Variants in WSCD2 observed in about 807,000 individuals in gnomAD.
The protein encoded by WSCD2 is WSC domain sialate O sulfotransferase 2.
WSCD2 carries 28 observed loss-of-function variants against 55.7 expected under a neutral mutation model. The observed-to-expected ratio is 0.50, with a 90% CI of 0.37 to 0.69. WSCD2 has a LOEUF of 0.69. Ranked by LOEUF, WSCD2 falls within the 30% of genes least tolerant of loss-of-function variation. The pLI is 0.00. For missense variants in WSCD2, 616 were observed against 762.1 expected, an observed-to-expected ratio of 0.81 and a Z score of 2.26; for synonymous variants, 301 against 301.9, an observed-to-expected ratio of 1.00 and a Z score of 0.03.
intron 2 of WSCD2, among the ~76,000 whole-genome samples, chr12:108,198,411 T>A (rs1355218566): frequency 6.6e-6 from 1 of 152,198 alleles, no homozygotes; most frequent in East Asian, 1.9e-4. Flanking sequence ...CTGATCCCCT[T>A]ACAGGTTTGA....
intron 4 of WSCD2, among the ~76,000 whole-genome samples, chr12:108,215,254 AATGCAGGT>A (rs1252111271): frequency 2.0e-5 from 3 of 152,194 alleles, no homozygotes; most frequent in African/African-American, 7.2e-5. Context: ...TATTGGGAGC[AATGCAGGT>A]TTTGGAATCA....
chr12:108,205,905 T>C (rs1249459405), intron 2 of WSCD2, among the ~76,000 whole-genome samples: 1 of 152,244 alleles, frequency 6.6e-6, no homozygotes, highest in Admixed American at 6.5e-5. Context: ...ATATATGTTT[T>C]AAGGCAGCTT....
At chr12:108,188,408 A>G (rs1882775447) in intron 1 of WSCD2, among the ~76,000 whole-genome samples, 2 of 152,280 alleles carry the variant, frequency 1.3e-5, no homozygotes, top group South Asian at 4.2e-4. Context: ...GCAGAACCAC[A>G]ATATATCCAT....
chr12:108,150,238 T>A (rs1368236187), intron 1 of WSCD2, among the ~76,000 whole-genome samples: 1 of 152,178 alleles, frequency 6.6e-6, no homozygotes, highest in Non-Finnish European at 1.5e-5. Flanking sequence ...TGCCTTTGAC[T>A]GATGCCAAAG....
intron 1 of WSCD2, among the ~76,000 whole-genome samples, chr12:108,194,314 C>G (rs1404873342): frequency 6.6e-6 from 1 of 152,188 alleles, no homozygotes; most frequent in African/African-American, 2.4e-5. Context: ...GAGACCCTGA[C>G]AAAGGGTGAG....
At chr12:108,175,357 T>C (rs1023400040) in intron 1 of WSCD2, among the ~76,000 whole-genome samples, 1 of 152,136 alleles carries the variant, frequency 6.6e-6, no homozygotes, top group African/African-American at 2.4e-5. Context: ...ACCCCAGGGT[T>C]CCACAGACTA....
intron 1 of WSCD2, among the ~76,000 whole-genome samples, chr12:108,156,774 C>T (rs1479317970): frequency 6.6e-6 from 1 of 152,190 alleles, no homozygotes; most frequent in Non-Finnish European, 1.5e-5. Context: ...TGAGGCTCCT[C>T]GCTCCCAGAT....
chr12:108,131,106 C>G (rs1241950945), intron 1 of WSCD2, among the ~76,000 whole-genome samples: 1 of 152,120 alleles, frequency 6.6e-6, no homozygotes, highest in Non-Finnish European at 1.5e-5. Context: ...CAAGTTAGAG[C>G]TGCGTCCCTA....
intron 2 of WSCD2, among the ~76,000 whole-genome samples, chr12:108,204,224 GTC>G (rs201272553): frequency 6.6e-6 from 1 of 151,480 alleles, no homozygotes; most frequent in Non-Finnish European, 1.5e-5. Flanking sequence ...TTCTGTCTTT[GTC>G]TCTCTCTCTC....
rs202152897 is a variant in WSCD2, at chr12:108,248,149, G to A, written c.1504G>A (p.Val502Ile). The A allele has an allele frequency of 7.9e-4, 1,274 of 1,614,118 alleles. 2 individuals carry two copies. The highest frequency in any genetic ancestry group is 1.1e-3 in the Non-Finnish European group (1,242 of 1,180,048). The stretch of plus-strand genomic sequence containing the variant: ...GATGGTCAGCCTGCTGGGCGTGGCT[G>A]TCAGGGAGGACCGGCTGCTCTGTGT... ...GRMVSLLGVA[V>I]REDRLLCVES... Residue 502 changes from valine (V) to isoleucine (I), a missense_variant, in exon 9 of 9, where the codon GTC (valine) becomes ATC (isoleucine). Coordinates refer to ENST00000547525, the MANE Select transcript of WSCD2 (RefSeq NM_014653.4). This position sits in a 1 kb window ranked among gnomAD's most constrained non-coding sequence, Gnocchi z 4.3.
chr12:108,222,205 C>G (rs1887606389), intron 4 of WSCD2, among the ~76,000 whole-genome samples: 1 of 152,184 alleles, frequency 6.6e-6, no homozygotes, highest in Non-Finnish European at 1.5e-5. Context: ...CGCTTTTACA[C>G]TCTAGATAGA....
intron 4 of WSCD2, among the ~76,000 whole-genome samples, chr12:108,212,810 T>C (rs2137114238): frequency 6.6e-6 from 1 of 152,290 alleles, no homozygotes; most frequent in African/African-American, 2.4e-5. Context: ...ATAGCATTTT[T>C]GTATTATGTC....
chr12:108,204,076 A>G (rs370188767), intron 2 of WSCD2, among the ~76,000 whole-genome samples: 2 of 152,224 alleles, frequency 1.3e-5, no homozygotes, highest in East Asian at 1.9e-4. Flanking sequence ...AAGAGTCACT[A>G]TGATCAGTTG....
chr12:108,192,492 C>T (rs1312398225), intron 1 of WSCD2, among the ~76,000 whole-genome samples: 2 of 152,214 alleles, frequency 1.3e-5, no homozygotes, highest in Non-Finnish European at 2.9e-5. Flanking sequence ...CATCCCATCC[C>T]AGCTGCAGAA....
chr12:108,225,566 C>G (rs2374975), intron 5 of WSCD2, among the ~76,000 whole-genome samples: 104,315 of 152,056 alleles, frequency 0.69, 36,265 homozygotes, highest in East Asian at 0.87. Flanking sequence ...GGGAGTTCCC[C>G]ACTGGTGGAG....
At chr12:108,242,037 C>T (rs1427430444) in intron 8 of WSCD2, among the ~76,000 whole-genome samples, 3 of 152,174 alleles carry the variant, frequency 2.0e-5, no homozygotes, top group African/African-American at 2.4e-5. Context: ...CCAGAGCCCC[C>T]GACACATAGC....
At chr12:108,186,668 T>C (rs149372137) in intron 1 of WSCD2, among the ~76,000 whole-genome samples, 2 of 152,216 alleles carry the variant, frequency 1.3e-5, no homozygotes, top group Non-Finnish European at 2.9e-5. Context: ...CTCCATGTCA[T>C]TTAGCCCTGA....
intron 4 of WSCD2, among the ~76,000 whole-genome samples, chr12:108,223,327 G>A (rs960041827): frequency 6.6e-6 from 1 of 152,214 alleles, no homozygotes; most frequent in Non-Finnish European, 1.5e-5. Flanking sequence ...TGTCTCTCTA[G>A]AGATTAATTT....
intron 4 of WSCD2, among the ~76,000 whole-genome samples, chr12:108,221,121 G>A (rs927634881): frequency 6.6e-6 from 1 of 152,130 alleles, no homozygotes; most frequent in Non-Finnish European, 1.5e-5. Context: ...CAAGTGGAGT[G>A]GAAAGAGGGA....
Sources: gnomAD v4.1 joint callset for allele counts (sites outside exome capture counted in the v4.1 genomes callset) on GRCh38, gnomAD v4.1.1 for gene constraint, Gnocchi (gnomAD v3.1) non-coding constraint, MANE v1.5 for transcripts, NCBI Gene and HGNC (gene_info 2026-07-23, HGNC 2026-07-21) for gene names.